Variants in SEMA6A observed in about 807,000 individuals in gnomAD.
SEMA6A encodes semaphorin 6A.
In SEMA6A, 25 loss-of-function variants were observed where a neutral mutation model predicts 96.8. The ratio of observed to expected loss-of-function variants is 0.26; its 90% CI spans 0.19 to 0.36. SEMA6A has a LOEUF of 0.36. SEMA6A is among the 10% of genes least tolerant of loss of function. The pLI is 1.00. For synonymous variants in SEMA6A, 612 were observed against 518.0 expected (o/e 1.18, Z -2.46); for missense variants, 1,363 against 1,323.1 (o/e 1.03, Z -0.47).
intron 1 of SEMA6A, among the ~76,000 whole-genome samples, chr5:116,512,642 G>A (rs1206451846): frequency 2.7e-5 from 4 of 148,256 alleles, no homozygotes; most frequent in Non-Finnish European, 4.5e-5. Flanking sequence ...GAGAAGGCAA[G>A]TCTTTTCTTT....
chr5:116,526,154 G>A (rs1487914721), intron 1 of SEMA6A, among the ~76,000 whole-genome samples: 1 of 151,718 alleles, frequency 6.6e-6, no homozygotes, highest in South Asian at 2.1e-4. Context: ...TTTATCCTTT[G>A]TGTCTTGAAC....
At chr5:116,476,867 T>C (rs1756476712) in intron 15 of SEMA6A, among the ~76,000 whole-genome samples, 1 of 152,234 alleles carries the variant, frequency 6.6e-6, no homozygotes, top group Admixed American at 6.5e-5. Flanking sequence ...CTCAACCTTT[T>C]GCATTAGTCA....
At chr5:116,463,635 T>C (rs1755550823) in intron 18 of SEMA6A, among the ~76,000 whole-genome samples, 1 of 152,252 alleles carries the variant, frequency 6.6e-6, no homozygotes, top group Non-Finnish European at 1.5e-5. Context: ...ATTCTTGTCT[T>C]TAATGTGCAT....
At chr5:116,502,689 G>A in intron 2 of SEMA6A, 1 of 184,662 alleles carries the variant, frequency 5.4e-6, no homozygotes. Flanking sequence ...AGCCTGAGGG[G>A]GCAGTCTGCC....
chr5:116,477,962 T>G, intron 14 of SEMA6A, 36 bp from the exon 15 acceptor site: 1 of 1,613,742 alleles, frequency 6.2e-7, no homozygotes, highest in Non-Finnish European at 8.5e-7. Flanking sequence ...TACCTAGGAC[T>G]GTTTCCTAGC....
chr5:116,523,042 T>C (rs187903575), intron 1 of SEMA6A, among the ~76,000 whole-genome samples: 1 of 152,178 alleles, frequency 6.6e-6, no homozygotes, highest in Non-Finnish European at 1.5e-5. Context: ...TGTGCAAGGA[T>C]GTGGTCAATG....
Position 116,447,560 on chromosome 5 carries a change from C to G in SEMA6A, c.2146G>C (p.Asp716His), listed in dbSNP as rs1754315997. 3.1e-6 allele frequency: 5 copies of G among 1,614,034 alleles called. No homozygotes were observed. Among genetic ancestry groups the G allele is most frequent in the African/African-American group, 1.3e-5 (1 of 75,062 alleles). The change falls in exon 19 of 19, where the codon GAC becomes CAC. Residue 716 changes from aspartate to histidine, a missense_variant. Physicochemically the swap from Asp to His is moderately conservative, Grantham distance 81. Coordinates refer to ENST00000343348, the MANE Select transcript of SEMA6A (RefSeq NM_020796.5). Reference sequence around the variant, plus strand: ...GTGAGGATGGCCTCCGGCTTTGGGTCTTTGGATTGAGTGTCCCCAAAGAGG... The same window carrying G: ...GTGAGGATGGCCTCCGGCTTTGGGTGTTTGGATTGAGTGTCCCCAAAGAGG... ...SGLFGDTQSK[D>H]PKPEAILTPL...
In SEMA6A at chr5:116,504,963, C is replaced by CT. The variant is rs771782777; in HGVS notation, c.-20dup. Reference sequence around the variant, plus strand: ...ACCTCATAGTAGTTCAGCGGGGAGACTTTATTTCTCTACTTCACCCTGCCA... The same window carrying CT: ...ACCTCATAGTAGTTCAGCGGGGAGACTTTTATTTCTCTACTTCACCCTGCCA... On this transcript the variant is annotated 5_prime_UTR_variant, in exon 2 of 19. Coordinates refer to ENST00000343348, the MANE Select transcript of SEMA6A (RefSeq NM_020796.5). The CT allele has an allele frequency of 6.6e-7, 1 of 1,524,568 alleles. No individual in the cohort carries two copies. Among genetic ancestry groups the CT allele is most frequent in the African/African-American group, 1.4e-5 (1 of 72,896 alleles). 94.4% of individuals were successfully genotyped at this position (1,524,568 alleles called of 1,614,324 possible).
intron 1 of SEMA6A, among the ~76,000 whole-genome samples, chr5:116,545,678 A>AT (rs1339465506): frequency 6.6e-6 from 1 of 152,180 alleles, no homozygotes; most frequent in Non-Finnish European, 1.5e-5. Context: ...GAGAAAATTA[A>AT]TGTTCAAGTG....
chr5:116,516,104 C>T (rs945829760), intron 1 of SEMA6A, among the ~76,000 whole-genome samples: 6 of 152,114 alleles, frequency 3.9e-5, no homozygotes, highest in African/African-American at 9.7e-5. Flanking sequence ...CTGCCTCTTT[C>T]GATGAGCTCT....
chr5:116,448,948 G>C (rs138471157), intron 18 of SEMA6A, among the ~76,000 whole-genome samples: 9 of 152,092 alleles, frequency 5.9e-5, no homozygotes, highest in Non-Finnish European at 1.0e-4. Context: ...TTTTTCAGCA[G>C]AGCTAATCTC....
At position 116,563,455 on chromosome 5, in the gene SEMA6A, C is replaced by G. The variant is rs145443844; in HGVS notation, c.-39+10730G>C. Among the ~76,000 whole-genome samples, 264 of 152,202 alleles carry G rather than the reference C, an allele frequency of 1.7e-3. 1 individual carries two copies. Among genetic ancestry groups the G allele is most frequent in the African/African-American group, 6.1e-3 (252 of 41,524 alleles). ...TGAGAATCTAGTGTGGTTTGCATGG[C>G]AAGACAAAGGAAGCAAGTTCATGTC... On this transcript the variant is annotated intron_variant, in intron 1 of 18. Coordinates refer to ENST00000343348, the MANE Select transcript of SEMA6A (RefSeq NM_020796.5).
chr5:116,564,761 T>TA (rs1299392255), intron 1 of SEMA6A, among the ~76,000 whole-genome samples: 4 of 152,208 alleles, frequency 2.6e-5, no homozygotes, highest in African/African-American at 9.7e-5. Flanking sequence ...AATGTTCATA[T>TA]ACTATTCACG....
At chr5:116,458,959 C>G (rs1755194499) in intron 18 of SEMA6A, among the ~76,000 whole-genome samples, 1 of 152,150 alleles carries the variant, frequency 6.6e-6, no homozygotes, top group African/African-American at 2.4e-5. Flanking sequence ...CAGCACCTGA[C>G]TTGCTCACAA....
At chr5:116,496,123 T>A (rs1346638386) in intron 5 of SEMA6A, 128 bp downstream of exon 5, 2 of 779,746 alleles carry the variant, frequency 2.6e-6, no homozygotes, top group Non-Finnish European at 4.2e-6. Flanking sequence ...AGTAAGTTGA[T>A]GAAAAAAGCA....
intron 1 of SEMA6A, among the ~76,000 whole-genome samples, chr5:116,513,589 C>T (rs538506168): frequency 1.3e-5 from 2 of 150,784 alleles, no homozygotes; most frequent in African/African-American, 4.9e-5. Context: ...CCCAAACCTT[C>T]CTCTTGATTT....
intron 8 of SEMA6A, 28 bp from the exon 9 acceptor site, chr5:116,488,224 G>A (rs372027789): frequency 1.4e-6 from 2 of 1,436,030 alleles, no homozygotes; most frequent in African/African-American, 2.8e-5. Flanking sequence ...CTTTAATTGG[G>A]AACATGTCAA....
At chr5:116,494,964 A>G (rs1214470054) in intron 6 of SEMA6A, among the ~76,000 whole-genome samples, 2 of 152,232 alleles carry the variant, frequency 1.3e-5, no homozygotes, top group African/African-American at 4.8e-5. Context: ...TGAGTGCTCA[A>G]TGGAATTAAA....
In SEMA6A at chr5:116,574,208, G is replaced by T. The variant is rs974260695; in HGVS notation, c.-62C>A. The T allele has an allele frequency of 9.2e-5, 14 of 152,422 alleles. No individual in the cohort carries two copies. Among genetic ancestry groups the T allele is most frequent in the African/African-American group, 3.4e-4 (14 of 41,386 alleles). 9.4% of individuals were successfully genotyped at this position (152,422 alleles called of 1,614,324 possible). A position where few individuals can be genotyped will look rare whatever the true frequency, so the allele number is the denominator to read the frequency against. On this transcript the variant is annotated 5_prime_UTR_variant, in exon 1 of 19. Transcript: ENST00000343348. ...ACCTTTTCGGTGCATCGACGGACAG[G>T]CGGCCGGGGCTCGGAGCGAACTGGT...
Sources: gnomAD v4.1 joint callset for allele counts (sites outside exome capture counted in the v4.1 genomes callset) on GRCh38, gnomAD v4.1.1 for gene constraint, MANE v1.5 for transcripts, NCBI Gene and HGNC (gene_info 2026-07-23, HGNC 2026-07-21) for gene names.